NXPE2: variants seen among roughly 807,000 people sequenced by gnomAD.
NXPE2 encodes the protein neurexophilin and PC-esterase domain family member 2.
Under a neutral mutation model 34.4 loss-of-function variants are expected in NXPE2, and 34 were observed. The ratio of observed to expected loss-of-function variants is 0.99; its 90% CI spans 0.75 to 1.31. NXPE2 has a LOEUF of 1.31. Among genes scored for constraint, NXPE2 ranks in the 40% most tolerant of loss-of-function variants. NXPE2 has a pLI of 0.00. For synonymous variants in NXPE2, 235 were observed against 231.3 expected, an observed-to-expected ratio of 1.02 and a Z score of -0.15; for missense variants, 649 against 672.5, an observed-to-expected ratio of 0.97 and a Z score of 0.39.
chr11:114,687,800 T>C (rs762884334), intron 2 of NXPE2, among the ~76,000 whole-genome samples: 65 of 152,182 alleles, frequency 4.3e-4, no homozygotes, highest in Non-Finnish European at 6.9e-4. Flanking sequence ...GTTCCCCTTG[T>C]AGAGATCTTT....
At chr11:114,609,665 C>G in the NXPE2 span, among the ~76,000 whole-genome samples, 2 of 150,618 alleles carry the variant, frequency 1.3e-5, no homozygotes, top group Non-Finnish European at 3.0e-5. Flanking sequence ...ACGACTATTA[C>G]CCAGTGGATA....
At chr11:114,639,865 TTTA>T in the NXPE2 span, among the ~76,000 whole-genome samples, 1 of 52,656 alleles carries the variant, frequency 1.9e-5, no homozygotes, top group South Asian at 6.9e-4. Flanking sequence ...TATATTATAT[TTTA>T]TATTAAATAT....
chr11:114,538,811 T>C, the NXPE2 span, among the ~76,000 whole-genome samples: 1 of 152,066 alleles, frequency 6.6e-6, no homozygotes, highest in African/African-American at 2.4e-5. Context: ...TGTGGAGAAA[T>C]AGGAACACTT....
chr11:114,522,253 C>T, the NXPE2 span: 1 of 1,613,964 alleles, frequency 6.2e-7, no homozygotes, highest in Non-Finnish European at 8.5e-7. Flanking sequence ...CACCGATGGC[C>T]CTGCGAATAA....
the NXPE2 span, among the ~76,000 whole-genome samples, chr11:114,501,915 G>T: frequency 2.0e-5 from 3 of 152,316 alleles, no homozygotes; most frequent in Admixed American, 1.3e-4. Flanking sequence ...AAATCTCTGT[G>T]CTGTCAAAAG....
chr11:114,513,456 C>G, the NXPE2 span: 1 of 239,686 alleles, frequency 4.2e-6, no homozygotes, highest in South Asian at 7.5e-5. Context: ...CTTGTCCTCA[C>G]CAAAACTGAA....
At chr11:114,723,930 T>C in the NXPE2 span, among the ~76,000 whole-genome samples, 1 of 152,204 alleles carries the variant, frequency 6.6e-6, no homozygotes, top group Non-Finnish European at 1.5e-5. Flanking sequence ...AACCCTCTCC[T>C]ATTTTGCTTC....
the NXPE2 span, among the ~76,000 whole-genome samples, chr11:114,774,739 C>T: frequency 6.6e-6 from 1 of 152,102 alleles, no homozygotes; most frequent in East Asian, 1.9e-4. Flanking sequence ...CCATCTCTTG[C>T]TTTTTCCCTT....
At chr11:114,603,080 A>G in the NXPE2 span, among the ~76,000 whole-genome samples, 2 of 151,856 alleles carry the variant, frequency 1.3e-5, no homozygotes, top group Admixed American at 1.3e-4. Context: ...ATTATTACCT[A>G]GTGGATAATA....
the NXPE2 span, chr11:114,582,234 A>G: frequency 6.6e-7 from 1 of 1,516,762 alleles, no homozygotes. Context: ...GGATCAGTAT[A>G]TAGGCCAAAT....
At chr11:114,806,687 T>C in the NXPE2 span, among the ~76,000 whole-genome samples, 1 of 152,058 alleles carries the variant, frequency 6.6e-6, no homozygotes, top group South Asian at 2.1e-4. Flanking sequence ...AATATGGGAC[T>C]ATGTGAAAAG....
the NXPE2 span, among the ~76,000 whole-genome samples, chr11:114,470,578 T>A: frequency 7.1e-6 from 1 of 141,222 alleles, no homozygotes; most frequent in South Asian, 2.3e-4. Context: ...AGAAAAAGAA[T>A]TGACGTGTGT....
Position 114,680,675 on chromosome 11 carries a change from G to A in NXPE2, c.132+913G>A, listed in dbSNP as rs1201233725. 5.4e-4 allele frequency among the ~76,000 whole-genome samples: 82 copies of A among 152,254 alleles called. 1 individual carries two copies. The highest frequency in any genetic ancestry group is 1.5e-5 in the Non-Finnish European group (1 of 68,026). ...AGAATACCTGTTCTTATACCTGTGT[G>A]TAAAATGCAGATTCCTGAGCCATAC... On this transcript the variant is annotated intron_variant, in intron 2 of 5. Transcript: ENST00000389586.
the NXPE2 span, chr11:114,521,702 C>T: frequency 1.3e-5 from 5 of 370,634 alleles, no homozygotes; most frequent in African/African-American, 6.3e-5. Flanking sequence ...ATTTTCAAAT[C>T]AGCTTAATAA....
the NXPE2 span, among the ~76,000 whole-genome samples, chr11:114,631,964 G>A: frequency 6.0e-5 from 9 of 149,860 alleles, no homozygotes; most frequent in African/African-American, 1.5e-4. Flanking sequence ...CTACTATTAC[G>A]TACTGGATAA....
At chr11:114,505,982 C>T in the NXPE2 span, among the ~76,000 whole-genome samples, 1 of 151,988 alleles carries the variant, frequency 6.6e-6, no homozygotes, top group Non-Finnish European at 1.5e-5. Context: ...AGATCCATCT[C>T]ACATGCAATG....
chr11:114,562,287 G>T, the NXPE2 span, among the ~76,000 whole-genome samples: 1 of 152,184 alleles, frequency 6.6e-6, no homozygotes. Context: ...TCCTGGTGCT[G>T]AGTGCCAATA....
the NXPE2 span, among the ~76,000 whole-genome samples, chr11:114,524,475 G>C: frequency 6.6e-6 from 1 of 152,194 alleles, no homozygotes; most frequent in African/African-American, 2.4e-5. Flanking sequence ...GGCAGAATTG[G>C]AAAGTGCACT....
chr11:114,676,087 A>T (rs546901923), upstream of NXPE2, among the ~76,000 whole-genome samples: 1 of 152,038 alleles, frequency 6.6e-6, no homozygotes, highest in East Asian at 1.9e-4. Flanking sequence ...CACAACATAT[A>T]AAAAAAATCC....
Sources: allele counts gnomAD v4.1 joint callset (sites outside exome capture counted in the v4.1 genomes callset), GRCh38; gene constraint gnomAD v4.1.1; transcripts MANE v1.5; gene names NCBI Gene and HGNC (gene_info 2026-07-23, HGNC 2026-07-21).